Variants in CUBN observed in about 807,000 individuals in gnomAD.
The protein encoded by CUBN is 460 kDa receptor.
CUBN carries 282 observed loss-of-function variants against 405.3 expected under a neutral mutation model. The observed-to-expected ratio is 0.70, with a 90% CI of 0.63 to 0.77. The LOEUF (loss-of-function observed/expected upper bound fraction) is 0.77, where lower values mean the gene tolerates loss of function less well. CUBN is among the 30% of genes least tolerant of loss of function. The probability of loss-of-function intolerance (pLI) is 0.00; values close to 1 mark genes in which losing one functional copy is unlikely to be tolerated. For missense variants in CUBN, 4,514 were observed against 4,475.2 expected, an observed-to-expected ratio of 1.01 and a Z score of -0.25; for synonymous variants, 1,684 against 1,617.0, an observed-to-expected ratio of 1.04 and a Z score of -0.99.
At chr10:17,001,818 T>G (rs3847368) in intron 28 of CUBN, among the ~76,000 whole-genome samples, 30,091 of 152,134 alleles carry the variant, frequency 0.2, 3,421 homozygotes, top group African/African-American at 0.31. Context: ...TCCTTCAATT[T>G]CATTATTTTG....
At chr10:16,945,767 C>CAAAAAAAAA (rs61141075) in intron 36 of CUBN, among the ~76,000 whole-genome samples, 1 of 81,388 alleles carries the variant, frequency 1.2e-5, no homozygotes. Context: ...ACTGTGTCTC[C>CAAAAAAAAA]AAAAAAAAAA....
At chr10:17,055,943 C>G (rs749751842) in intron 22 of CUBN, among the ~76,000 whole-genome samples, 5 of 151,986 alleles carry the variant, frequency 3.3e-5, no homozygotes, top group Non-Finnish European at 7.4e-5. Context: ...CACAAAAAAT[C>G]TAGGATAGCC....
intron 31 of CUBN, among the ~76,000 whole-genome samples, chr10:16,961,605 C>A (rs138960208): frequency 5.3e-5 from 8 of 151,748 alleles, no homozygotes; most frequent in Admixed American, 3.9e-4. Context: ...CTTTTTAATT[C>A]TCATACACAC....
intron 36 of CUBN, among the ~76,000 whole-genome samples, chr10:16,945,593 C>G (rs1341081323): frequency 6.6e-6 from 1 of 151,930 alleles, no homozygotes; most frequent in Non-Finnish European, 1.5e-5. Context: ...CATGGTGAAA[C>G]TCCATCACTA....
At chr10:16,891,837 C>T (rs1841017811) in intron 54 of CUBN, among the ~76,000 whole-genome samples, 2 of 152,044 alleles carry the variant, frequency 1.3e-5, no homozygotes, top group Admixed American at 6.6e-5. Context: ...TTGTCACACT[C>T]GGTGTGATGG....
chr10:17,052,555 GA>G (rs1835293739), intron 22 of CUBN, among the ~76,000 whole-genome samples: 1 of 151,536 alleles, frequency 6.6e-6, no homozygotes, highest in African/African-American at 2.4e-5. Context: ...TCAGGAGTCC[GA>G]GACCAGCCTG....
At chr10:16,948,687 G>A (rs1842848280) in intron 34 of CUBN, 81 bp from the exon 35 acceptor site, 4 of 1,561,156 alleles carry the variant, frequency 2.6e-6, no homozygotes, top group Non-Finnish European at 3.5e-6. Context: ...ATCTTTACTC[G>A]AATTACAAGA....
chr10:16,984,959 CCAGGAACCTGA>C (rs145930215), intron 29 of CUBN, among the ~76,000 whole-genome samples: 2,808 of 152,308 alleles, frequency 0.018, 79 homozygotes, highest in African/African-American at 0.064. Context: ...ACGCCCATGC[CCAGGAACCTGA>C]CTAAGTGCAT....
At chr10:17,127,600 C>T (rs1205826756) in intron 3 of CUBN, among the ~76,000 whole-genome samples, 1 of 152,052 alleles carries the variant, frequency 6.6e-6, no homozygotes, top group Non-Finnish European at 1.5e-5. Context: ...AGCCACTGCT[C>T]CCAGCCCAAG....
In CUBN at chr10:16,907,488, T is replaced by A. The variant is rs1449259103; in HGVS notation, c.7705+20A>T. ...GTGCCCCTGATTAAAATGGGGGGCA[T>A]TTACAACATCCTACATTACCTGCAT... is the stretch of plus-strand genomic sequence containing the variant. On this transcript the variant is annotated intron_variant, in intron 49 of 66. Coordinates refer to ENST00000377833, the MANE Select transcript of CUBN (RefSeq NM_001081.4). The A allele has an allele frequency of 7.4e-6, 12 of 1,613,758 alleles. No individual in the cohort carries two copies. Among genetic ancestry groups the A allele is most frequent in the Middle Eastern group, 1.6e-4 (1 of 6,074 alleles).
At chr10:16,867,034 A>T (rs1840206987) in intron 59 of CUBN, among the ~76,000 whole-genome samples, 1 of 152,236 alleles carries the variant, frequency 6.6e-6, no homozygotes, top group Non-Finnish European at 1.5e-5. Flanking sequence ...TGTACATAAA[A>T]CATTGCCAAG....
intron 47 of CUBN, 38 bp from the exon 48 acceptor site, chr10:16,914,030 A>C (rs763866013): frequency 6.8e-6 from 11 of 1,606,962 alleles, no homozygotes; most frequent in Non-Finnish European, 9.4e-6. Flanking sequence ...TTTCAATCAA[A>C]TCAAAATGTT....
chr10:17,097,805 T>C (rs1054242953), intron 14 of CUBN, among the ~76,000 whole-genome samples: 6 of 152,206 alleles, frequency 3.9e-5, no homozygotes, highest in African/African-American at 1.2e-4. Context: ...AAGTATTTTA[T>C]ATGTTTCAAC....
chr10:16,929,676 A>G (rs993201302), intron 40 of CUBN, among the ~76,000 whole-genome samples: 1 of 152,200 alleles, frequency 6.6e-6, no homozygotes, highest in Admixed American at 6.5e-5. Context: ...ATTCTTTATA[A>G]TTCAAAAGTG....
At chr10:17,031,602 C>T (rs1285852264) in intron 27 of CUBN, among the ~76,000 whole-genome samples, 1 of 152,198 alleles carries the variant, frequency 6.6e-6, no homozygotes, top group Non-Finnish European at 1.5e-5. Context: ...AAGACATTCT[C>T]TTGCGAACGA....
At chr10:16,952,218 C>A in intron 33 of CUBN, 58 bp downstream of exon 33, 1 of 1,257,174 alleles carries the variant, frequency 8.0e-7, no homozygotes, top group South Asian at 1.2e-5. Context: ...CATAGACTGA[C>A]CTTCCCACAG....
chr10:16,841,017 A>G lies in CUBN; in HGVS notation c.9694T>C (p.Leu3232=). The G allele has an allele frequency of 6.2e-7, 1 of 1,614,204 alleles. No individual in the cohort carries two copies. The highest frequency in any genetic ancestry group is 8.5e-7 in the Non-Finnish European group (1 of 1,180,024). ...LYDGDSENAN[L]AGTFCGSTVP... is the part of the protein sequence containing the mutation. ...GTGGAACCACAAAACGTTCCAGCCA[A>G]GTTCGCATTTTCACTATCCCCATCA... Residue 3232 remains leucine, a synonymous_variant, in exon 61 of 67, where the codon TTG becomes CTG. Coordinates refer to ENST00000377833, the MANE Select transcript of CUBN (RefSeq NM_001081.4).
intron 22 of CUBN, among the ~76,000 whole-genome samples, chr10:17,049,180 G>A (rs1011683925): frequency 6.6e-6 from 1 of 152,180 alleles, no homozygotes; most frequent in Admixed American, 6.5e-5. Context: ...TAAAGAGAGC[G>A]GGGAGGAGTA....
rs112417434 is a variant in CUBN, at chr10:16,942,863, A to AGGAAGGGAAG, written c.5343-2636_5343-2627dup. 3.9e-4 allele frequency among the ~76,000 whole-genome samples: 50 copies of AGGAAGGGAAG among 129,850 alleles called. No homozygotes were observed. The South Asian group carries it at 6.3e-3, about 16-fold the overall frequency. The allele number at this position is 129,850 out of a possible 152,430, so 85.2% of individuals were successfully genotyped here. A position where few individuals can be genotyped will look rare whatever the true frequency, so the allele number is the denominator to read the frequency against. On this transcript the variant is annotated intron_variant, in intron 36 of 66. Coordinates refer to ENST00000377833, the MANE Select transcript of CUBN (RefSeq NM_001081.4). ...AGGGGGAAGGGGAAGGGGAAGGGAAAGGAAGGGAAGGGAAGGGAGGGGAAC... is the reference window on the plus strand; with the variant it reads ...AGGGGGAAGGGGAAGGGGAAGGGAAAGGAAGGGAAGGGAAGGGAAGGGAAGGGAGGGGAAC...
Sources: gnomAD v4.1 joint callset for allele counts (sites outside exome capture counted in the v4.1 genomes callset) on GRCh38, gnomAD v4.1.1 for gene constraint, MANE v1.5 for transcripts, NCBI Gene and HGNC (gene_info 2026-07-23, HGNC 2026-07-21) for gene names.